The following WWOX variants were observed in gnomAD, a reference collection of about 807,000 sequenced individuals.
WWOX encodes the protein WW domain containing oxidoreductase, also known as WW domain-containing oxidoreductase.
A neutral mutation model predicts 46.2 loss-of-function variants in WWOX; 69 were observed. That is an observed-to-expected ratio of 1.49 (90% CI 1.23 to 1.82). The LOEUF (loss-of-function observed/expected upper bound fraction) is 1.82, where lower values mean the gene tolerates loss of function less well. Among genes scored for constraint, WWOX ranks in the 40% most tolerant of loss-of-function variants. The pLI is 0.00. For synonymous variants in WWOX, 359 were observed against 202.6 expected (o/e 1.77, Z -6.56); for missense variants, 919 against 542.6 (o/e 1.69, Z -6.89).
chr16:78,571,265 A>T (rs527622642), intron 8 of WWOX, among the ~76,000 whole-genome samples: 1 of 152,230 alleles, frequency 6.6e-6, no homozygotes, highest in East Asian at 1.9e-4. Flanking sequence ...ATGAGCCAGT[A>T]ATGGTTTAGA....
intron 8 of WWOX, among the ~76,000 whole-genome samples, chr16:78,923,318 C>A (rs1164507245): frequency 1.3e-5 from 2 of 152,068 alleles, no homozygotes; most frequent in African/African-American, 4.8e-5. Context: ...CCTTGCCCAC[C>A]ATGGCTTAAT....
intron 8 of WWOX, among the ~76,000 whole-genome samples, chr16:79,180,319 G>A (rs1597451346): frequency 6.6e-6 from 1 of 152,370 alleles, no homozygotes; most frequent in East Asian, 1.9e-4. Context: ...ACGCAAGGAA[G>A]CTTTTTATTA....
intron 8 of WWOX, among the ~76,000 whole-genome samples, chr16:78,819,325 C>G (rs1443642889): frequency 1.2e-4 from 19 of 152,182 alleles, no homozygotes; most frequent in Admixed American, 1.2e-3. Context: ...AAATTGAGGA[C>G]TAGCTAAAAC....
In WWOX at chr16:78,115,000, C is replaced by A; in HGVS notation, c.255C>A (p.Tyr85Ter). 1 of 1,614,240 alleles carries A rather than the reference C, an allele frequency of 6.2e-7. No individual in the cohort carries two copies. The highest frequency in any genetic ancestry group is 8.5e-7 in the Non-Finnish European group (1 of 1,180,050). The stretch of plus-strand genomic sequence containing the variant: ...GCCATATAAATAAAAGAACCACCTA[C>A]TTGGACCCAAGACTGGCGTTTACTG... The part of the protein sequence containing the change: ...FVDHINKRTT[Y>*]LDPRLAFTVD... Residue 85 changes from tyrosine to a stop codon, truncating the protein, a stop_gained, in exon 4 of 9, where the codon TAC becomes TAA. Transcript: ENST00000566780. LOFTEE classifies it high-confidence loss of function.
At chr16:78,453,792 G>A (rs1210749256) in intron 8 of WWOX, among the ~76,000 whole-genome samples, 4 of 151,970 alleles carry the variant, frequency 2.6e-5, no homozygotes, top group Admixed American at 6.6e-5. Flanking sequence ...TGCGAAGATA[G>A]TTAAGCTCTT....
At chr16:78,949,737 C>T (rs954568741) in intron 8 of WWOX, among the ~76,000 whole-genome samples, 2 of 152,198 alleles carry the variant, frequency 1.3e-5, no homozygotes, top group African/African-American at 4.8e-5. Flanking sequence ...CCTTGCGGGG[C>T]AAACACAACA....
intron 6 of WWOX, among the ~76,000 whole-genome samples, chr16:78,422,062 G>A (rs1023525301): frequency 3.9e-5 from 6 of 152,110 alleles, no homozygotes; most frequent in East Asian, 1.9e-4. Context: ...GTAGTTGGAC[G>A]TGTTAAATAT....
intron 8 of WWOX, among the ~76,000 whole-genome samples, chr16:78,885,296 T>C (rs1263575622): frequency 1.3e-5 from 2 of 151,776 alleles, no homozygotes; most frequent in Admixed American, 1.3e-4. Context: ...CTTTACTAAA[T>C]TATCCAGTCT....
chr16:79,120,685 G>T (rs570241031), intron 8 of WWOX, among the ~76,000 whole-genome samples: 26 of 152,266 alleles, frequency 1.7e-4, no homozygotes, highest in Middle Eastern at 3.4e-3. Flanking sequence ...TTCCTTAACT[G>T]GTGGTCACAT....
intron 8 of WWOX, among the ~76,000 whole-genome samples, chr16:78,683,222 G>C (rs921999208): frequency 6.6e-6 from 1 of 151,946 alleles, no homozygotes; most frequent in Non-Finnish European, 1.5e-5. Flanking sequence ...AAAAAATAGA[G>C]ACAAGGAGGT....
chr16:78,379,930 T>C (rs1486708854), intron 5 of WWOX, among the ~76,000 whole-genome samples: 1 of 152,154 alleles, frequency 6.6e-6, no homozygotes, highest in African/African-American at 2.4e-5. Context: ...GTCGGAAGGA[T>C]GGAGAGGAGA....
intron 8 of WWOX, among the ~76,000 whole-genome samples, chr16:79,028,908 T>A (rs201013481): frequency 6.2e-5 from 9 of 144,074 alleles, no homozygotes; most frequent in African/African-American, 2.3e-4. Context: ...GAAAAAAAAA[T>A]GTTCATAAAT....
intron 8 of WWOX, among the ~76,000 whole-genome samples, chr16:78,834,786 C>A (rs766315872): frequency 6.6e-6 from 1 of 152,142 alleles, no homozygotes; most frequent in Admixed American, 6.5e-5. Context: ...CAAATCATTA[C>A]ATTAGTTTAC....
chr16:79,193,896 C>T (rs140997880), intron 8 of WWOX, among the ~76,000 whole-genome samples: 1 of 152,216 alleles, frequency 6.6e-6, no homozygotes, highest in South Asian at 2.1e-4. Flanking sequence ...AGCTCCTTGC[C>T]TTCTGTACAA....
chr16:79,006,423 C>G (rs369776062), intron 8 of WWOX, among the ~76,000 whole-genome samples: 1 of 151,838 alleles, frequency 6.6e-6, no homozygotes, highest in Non-Finnish European at 1.5e-5. Context: ...ACAAGGGCAT[C>G]AGGTGCCAGG....
chr16:78,825,912 C>G (rs1420075839), intron 8 of WWOX: 1 of 716,276 alleles, frequency 1.4e-6, no homozygotes. Context: ...ATCATGGAAC[C>G]CAAAGATGAG....
At chr16:78,532,595 A>C (rs960454056) in intron 8 of WWOX, among the ~76,000 whole-genome samples, 1 of 152,208 alleles carries the variant, frequency 6.6e-6, no homozygotes, top group East Asian at 1.9e-4. Flanking sequence ...CATACCCAAT[A>C]CTAGGTCATT....
chr16:78,566,627 G>C (rs1307598363), intron 8 of WWOX, among the ~76,000 whole-genome samples: 1 of 152,186 alleles, frequency 6.6e-6, no homozygotes, highest in Non-Finnish European at 1.5e-5. Flanking sequence ...TCCCAAGACT[G>C]TGCAGAGCTT....
rs187222367 is a variant in WWOX at position 78,487,169 on chromosome 16, A to G, written c.1056+54417A>G. Among the ~76,000 whole-genome samples, 15 of 152,242 alleles carry G rather than the reference A, an allele frequency of 9.9e-5. No individual in the cohort carries two copies. In the East Asian group the frequency reaches 2.9e-3, roughly 29 times the overall value. On this transcript the variant is annotated intron_variant, in intron 8 of 8. Coordinates refer to ENST00000566780, the MANE Select transcript of WWOX (RefSeq NM_016373.4). The stretch of plus-strand genomic sequence containing the variant: ...AGACTATGTTTTGCAATTTTCTTTA[A>G]TATTTATGCTGGATAAATAATTTAT...
Sources: allele counts gnomAD v4.1 joint callset (sites outside exome capture counted in the v4.1 genomes callset), GRCh38; gene constraint gnomAD v4.1.1; transcripts MANE v1.5; gene names NCBI Gene and HGNC (gene_info 2026-07-23, HGNC 2026-07-21).